Variants in ADAMTS9 observed in about 807,000 individuals in gnomAD.
ADAMTS9 encodes A disintegrin and metalloproteinase with thrombospondin motifs 9.
ADAMTS9 carries 107 observed loss-of-function variants against 257.1 expected under a neutral mutation model. That is an observed-to-expected ratio of 0.42 (90% CI 0.36 to 0.49). ADAMTS9 has a LOEUF of 0.49. Ranked by LOEUF, ADAMTS9 falls within the 20% of genes least tolerant of loss-of-function variation. ADAMTS9 has a pLI of 0.03. For missense variants in ADAMTS9, 2,353 were observed against 2,469.1 expected, an observed-to-expected ratio of 0.95 and a Z score of 1.00; for synonymous variants, 982 against 880.9, an observed-to-expected ratio of 1.11 and a Z score of -2.03.
chr3:64,634,490 G>C (rs771036725), intron 12 of ADAMTS9, among the ~76,000 whole-genome samples: 8 of 152,212 alleles, frequency 5.3e-5, no homozygotes, highest in Non-Finnish European at 1.0e-4. Flanking sequence ...GGAGAAGCAG[G>C]AAAGAGCATA....
At chr3:64,578,006 T>C (rs765019648) in intron 28 of ADAMTS9, among the ~76,000 whole-genome samples, 14 of 152,192 alleles carry the variant, frequency 9.2e-5, no homozygotes, top group Admixed American at 3.9e-4. Context: ...TCCTGAAAAT[T>C]TTATAACATT....
chr3:64,653,974 G>A (rs898891757), intron 8 of ADAMTS9, among the ~76,000 whole-genome samples: 21 of 144,648 alleles, frequency 1.5e-4, no homozygotes, highest in Non-Finnish European at 2.4e-4. Flanking sequence ...TAATGGTGGG[G>A]GACCCTCCTA....
rs1476438647 is a variant in ADAMTS9 at position 64,686,600 on chromosome 3, G to A, written c.484C>T (p.His162Tyr). ...GAGCAGAGGCTGATGACGGCCGTGT[G>A]CTCGGAGTTGGTATTGACATAGCCT... ...YKGYVNTNSEHTAVISLCSGM... is the reference protein window; with the variant it reads ...YKGYVNTNSEYTAVISLCSGM... Residue 162 changes from histidine to tyrosine, a missense_variant, in exon 2 of 40, where the codon CAC (histidine) becomes TAC (tyrosine). Coordinates refer to ENST00000498707, the MANE Select transcript of ADAMTS9 (RefSeq NM_182920.2). The surrounding 1 kb of genome is among the most constrained non-coding windows in gnomAD (Gnocchi z 4.6). 2 of 1,612,942 alleles carry A rather than the reference G, an allele frequency of 1.2e-6. No individual in the cohort carries two copies. The highest frequency in any genetic ancestry group is 1.3e-5 in the African/African-American group (1 of 74,922).
At chr3:64,580,647 T>C (rs1311338755) in intron 28 of ADAMTS9, among the ~76,000 whole-genome samples, 1 of 152,162 alleles carries the variant, frequency 6.6e-6, no homozygotes, top group Admixed American at 6.5e-5. Context: ...AGTCCAAATT[T>C]GAGTTTCTTT....
chr3:64,561,714 T>A lies in ADAMTS9; in HGVS notation c.4562A>T (p.His1521Leu), dbSNP rs150552517. The change falls in exon 30 of 40, where the codon CAT (histidine) becomes CTT (leucine). Residue 1521 changes from histidine to leucine, a missense_variant. Physicochemically the swap from His to Leu is moderately conservative, Grantham distance 99 (BLOSUM62 -3). This residue lies in a region of ADAMTS9 where 1,402 missense variants were observed against 1,441.4 expected (regional missense o/e 0.97). Transcript: ENST00000498707. ...VSCGRGVQQR[H>L]VGCQIGTHKI... is the part of the protein sequence containing the mutation. ...GTGTGTTCCGATCTGACAGCCCACA[T>A]GCCTCTGCTGTACGCCTCGGCCACA... The A allele has an allele frequency of 7.7e-5, 123 of 1,589,440 alleles. No individual in the cohort carries two copies. The highest frequency in any genetic ancestry group is 2.7e-5 in the African/African-American group (2 of 73,584).
intron 12 of ADAMTS9, among the ~76,000 whole-genome samples, chr3:64,638,025 G>C: frequency 6.6e-6 from 1 of 152,162 alleles, no homozygotes. Flanking sequence ...ATAGACATAT[G>C]TCTTAAATAT....
chr3:64,653,611 T>C (rs1454694940), intron 8 of ADAMTS9, among the ~76,000 whole-genome samples: 2 of 152,174 alleles, frequency 1.3e-5, no homozygotes, highest in Non-Finnish European at 2.9e-5. Context: ...GCCACACAAA[T>C]TGATCTATTA....
intron 2 of ADAMTS9, 42 bp from the exon 3 acceptor site, chr3:64,681,405 A>G: frequency 6.4e-7 from 1 of 1,556,410 alleles, no homozygotes; most frequent in Non-Finnish European, 8.7e-7. Context: ...AACGTAACTC[A>G]GTCATTGGGA....
rs533412880 is a variant in ADAMTS9 at position 64,600,017 on chromosome 3, G to C, written c.4017+1927C>G. Among the ~76,000 whole-genome samples, 439 of 102,928 alleles carry C rather than the reference G, an allele frequency of 4.3e-3. 2 individuals are homozygous for C. The highest frequency in any genetic ancestry group is 6.8e-3 in the Non-Finnish European group (317 of 46,518). The allele number at this position is 102,928 out of a possible 152,430, so 67.5% of individuals were successfully genotyped here. On this transcript the variant is annotated intron_variant, in intron 26 of 39. Transcript: ENST00000498707. ...CTACTGCGGCTAAATGAACAGCTTT[G>C]TTTGTTTTTCTTTCACTTGAGTCAG...
At chr3:64,621,031 C>A in intron 19 of ADAMTS9, 83 bp downstream of exon 19, 1 of 1,494,958 alleles carries the variant, frequency 6.7e-7, no homozygotes, top group East Asian at 2.3e-5. Context: ...GACCAGCATC[C>A]CCTCCTTTTG....
intron 30 of ADAMTS9, among the ~76,000 whole-genome samples, chr3:64,555,374 G>GTCAT (rs200769408): frequency 1.3e-5 from 2 of 149,714 alleles, no homozygotes; most frequent in Non-Finnish European, 2.9e-5. Flanking sequence ...TAACTTTAAA[G>GTCAT]TCATTCATTC....
chr3:64,565,424 G>T (rs1280255461), intron 29 of ADAMTS9: 2 of 152,144 alleles, frequency 1.3e-5, no homozygotes. Flanking sequence ...AGACAACAAG[G>T]GCTGTTAAGG....
At chr3:64,570,128 G>A (rs79538024) in intron 28 of ADAMTS9, among the ~76,000 whole-genome samples, 3,235 of 152,180 alleles carry the variant, frequency 0.021, 128 homozygotes, top group African/African-American at 0.074. Flanking sequence ...ATTAGATTTG[G>A]AATGAATTCA....
chr3:64,543,746 T>C (rs1373506699), intron 32 of ADAMTS9, among the ~76,000 whole-genome samples: 2 of 152,140 alleles, frequency 1.3e-5, no homozygotes, highest in African/African-American at 4.8e-5. Context: ...CTATTCAACA[T>C]AGTGTTGGAA....
At chr3:64,570,837 A>G (rs899456885) in intron 28 of ADAMTS9, among the ~76,000 whole-genome samples, 1 of 152,044 alleles carries the variant, frequency 6.6e-6, no homozygotes, top group African/African-American at 2.4e-5. Context: ...TAGTGATAAC[A>G]CTTACAGAGA....
At chr3:64,668,513 T>G (rs2107006323) in intron 3 of ADAMTS9, among the ~76,000 whole-genome samples, 1 of 152,294 alleles carries the variant, frequency 6.6e-6, no homozygotes, top group South Asian at 2.1e-4. Flanking sequence ...TGACCTCTGG[T>G]GAGTCACTTC....
intron 21 of ADAMTS9, 114 bp from the exon 22 acceptor site, chr3:64,613,623 TCC>T (rs2084708824): frequency 5.0e-6 from 5 of 1,000,978 alleles, no homozygotes; most frequent in Non-Finnish European, 7.0e-6. Context: ...GCAATCACTC[TCC>T]CATAGCAATT....
intron 19 of ADAMTS9, among the ~76,000 whole-genome samples, chr3:64,617,682 A>C (rs973357071): frequency 6.6e-6 from 1 of 152,226 alleles, no homozygotes; most frequent in Non-Finnish European, 1.5e-5. Context: ...TTGTGGGATT[A>C]AATAATTTTA....
Position 64,654,376 on chromosome 3 carries a change from C to A in ADAMTS9, c.1293G>T (p.Thr431=). ...ACACATGGCCCAGCTCATGGGCGAT[C>A]GTAAAAGCTGTACTCAATCCACTAT... is the stretch of plus-strand genomic sequence containing the variant. ...SEDSGLSTAF[T]IAHELGHVFN... is the part of the protein sequence containing the mutation. The change falls in exon 8 of 40, where the codon ACG becomes ACT. Residue 431 remains threonine (T), a synonymous_variant. Transcript: ENST00000498707. The A allele has an allele frequency of 6.2e-7, 1 of 1,613,860 alleles. No homozygotes were observed. The highest frequency in any genetic ancestry group is 8.5e-7 in the Non-Finnish European group (1 of 1,179,894).
Sources: gnomAD v4.1 joint callset for allele counts (sites outside exome capture counted in the v4.1 genomes callset) on GRCh38, gnomAD v4.1.1 for gene constraint, gnomAD v4.1.1 regional missense constraint, Gnocchi (gnomAD v3.1) non-coding constraint, MANE v1.5 for transcripts, NCBI Gene and HGNC (gene_info 2026-07-23, HGNC 2026-07-21) for gene names.